The following GCN1 variants were observed in gnomAD, a reference collection of about 807,000 sequenced individuals.
The protein encoded by GCN1 is GCN1 activator of EIF2AK4.
Under a neutral mutation model 288.4 loss-of-function variants are expected in GCN1, and 90 were observed. That is an observed-to-expected ratio of 0.31 (90% confidence interval 0.26 to 0.37). The LOEUF is 0.37. GCN1 is among the 10% of genes least tolerant of loss of function. The pLI, the probability that GCN1 is intolerant of heterozygous loss-of-function variation, is 1.00. For missense variants in GCN1, 2,586 were observed against 3,419.9 expected (o/e 0.76, Z 6.08); for synonymous variants, 1,386 against 1,420.2 (o/e 0.98, Z 0.54).
At chr12:120,128,844 T>G (rs1352309122) in intron 57 of GCN1, among the ~76,000 whole-genome samples, 1 of 144,156 alleles carries the variant, frequency 6.9e-6, no homozygotes, top group Non-Finnish European at 1.5e-5. Flanking sequence ...AATCTTTTTT[T>G]TTTTTTTTTT....
intron 47 of GCN1, 131 bp downstream of exon 47, chr12:120,138,192 G>A (rs1398722827): frequency 1.1e-6 from 1 of 937,176 alleles, no homozygotes; most frequent in Non-Finnish European, 1.7e-6. Context: ...ACAGGGGAAG[G>A]ATGTAATGCT....
In GCN1 at chr12:120,131,227, A is replaced by C. The variant is rs560002292; in HGVS notation, c.7521T>G (p.Ser2507Arg). The change falls in exon 55 of 58, where the codon AGT (serine) becomes AGG (arginine). Residue 2507 changes from serine (S) to arginine (R), a missense_variant. Physicochemically the swap from Ser to Arg is moderately radical, Grantham distance 110 (BLOSUM62 -1). Transcript: ENST00000300648. ...PGRLCAGRYS[S>R]DVQEMILSSA... ...TGCTCAGGATCATTTCCTGAACATC[A>C]CTGCTATATCTGCCGGCACAAAGTC... 12 of 1,614,048 alleles carry C rather than the reference A, an allele frequency of 7.4e-6. No homozygotes were observed. In the Admixed American group the frequency reaches 1.5e-4, roughly 20 times the overall value.
Position 120,175,299 on chromosome 12 carries a change from G to C in GCN1, c.1043-87C>G, listed in dbSNP as rs1210706776. 2.5e-6 allele frequency: 3 copies of C among 1,202,186 alleles called. No homozygotes were observed. The African/African-American group carries it at 4.5e-5, about 18-fold the overall frequency. The allele number at this position is 1,202,186 out of a possible 1,614,324, so 74.5% of individuals were successfully genotyped here. Reference sequence around the variant, plus strand: ...AATGCAGTCACGTGTGTGATGCCACGATACGGTTTCTGATTCCAGAAGTAG... The same window carrying C: ...AATGCAGTCACGTGTGTGATGCCACCATACGGTTTCTGATTCCAGAAGTAG... On this transcript the variant is annotated intron_variant, in intron 11 of 57. Coordinates refer to ENST00000300648, the MANE Select transcript of GCN1 (RefSeq NM_006836.2).
Position 120,153,866 on chromosome 12 carries a change from C to T in GCN1, c.3745G>A (p.Asp1249Asn), listed in dbSNP as rs375241554. 3.5e-5 allele frequency: 56 copies of T among 1,614,118 alleles called. No homozygotes were observed. The African/African-American group carries it at 6.8e-4, about 20-fold the overall frequency. The part of the protein sequence containing the change: ...LALNKLSQYL[D>N]SSQVKPLFQF... ...AAGAGTGGCTTCACCTGAGAGCTGT[C>T]CAAATACTGGGAGAGCTTGTTGAGG... is the stretch of plus-strand genomic sequence containing the variant. The change falls in exon 32 of 58, where the codon GAC becomes AAC. Residue 1249 changes from aspartate to asparagine, a missense_variant. Asp to Asn is a conservative substitution (Grantham distance 23). This residue lies in a region of GCN1 where 332 missense variants were observed against 403.0 expected (regional missense o/e 0.82). Coordinates refer to ENST00000300648, the MANE Select transcript of GCN1 (RefSeq NM_006836.2). The surrounding 1 kb of genome is among the most constrained non-coding windows in gnomAD (Gnocchi z 4.4).
Position 120,134,808 on chromosome 12 carries a change from C to G in GCN1, c.7009-82G>C. On this transcript the variant is annotated intron_variant, in intron 51 of 57. Transcript: ENST00000300648. The surrounding 1 kb of genome is among the most constrained non-coding windows in gnomAD (Gnocchi z 5.0). ...GTACCACAGGCATGAGAACAAATGA[C>G]AATCCCAAACCACCACAGCGAGTCC... The G allele has an allele frequency of 8.4e-7, 1 of 1,190,110 alleles. No individual in the cohort carries two copies. Among genetic ancestry groups the G allele is most frequent in the Non-Finnish European group, 1.2e-6 (1 of 808,790 alleles). 73.7% of individuals were successfully genotyped at this position (1,190,110 alleles called of 1,614,324 possible).
chr12:120,130,902 C>T (rs1050544953), intron 55 of GCN1, 149 bp from the exon 56 acceptor site: 4 of 618,534 alleles, frequency 6.5e-6, no homozygotes, highest in African/African-American at 3.7e-5. Context: ...CAGGCTGCCC[C>T]GGCTGAGGCA....
rs138749041 is a variant in GCN1, at chr12:120,144,098, T to G, written c.5495+208A>C. 2.5e-3 allele frequency among the ~76,000 whole-genome samples: 384 copies of G among 152,272 alleles called. 1 individual carries two copies. The highest frequency in any genetic ancestry group is 3.8e-3 in the Non-Finnish European group (259 of 68,014). ...CTCAAGTGATCCTTCCGCCTCAGCC[T>G]CCTGTGTAGCTGGGATTACAGGTGT... On this transcript the variant is annotated intron_variant, in intron 42 of 57. Transcript: ENST00000300648. This position sits in a 1 kb window ranked among gnomAD's most constrained non-coding sequence, Gnocchi z 4.7.
chr12:120,141,675 T>C (rs1289989225), intron 44 of GCN1, among the ~76,000 whole-genome samples: 1 of 152,212 alleles, frequency 6.6e-6, no homozygotes, highest in Non-Finnish European at 1.5e-5. Flanking sequence ...GACCTCTGCA[T>C]ATCCTGTCTT....
chr12:120,140,046 C>T (rs994904583), intron 45 of GCN1, among the ~76,000 whole-genome samples: 3 of 152,236 alleles, frequency 2.0e-5, no homozygotes, highest in African/African-American at 7.2e-5. Flanking sequence ...CAATGAATCA[C>T]AACTCTTTCT....
rs750111164 is a variant in GCN1, at chr12:120,137,835, G to C, written c.6394-21C>G. 20 of 1,612,984 alleles carry C rather than the reference G, an allele frequency of 1.2e-5. No individual in the cohort carries two copies. In the South Asian group the frequency reaches 2.2e-4, roughly 18 times the overall value. On this transcript the variant is annotated intron_variant, in intron 48 of 57. Transcript: ENST00000300648. This position sits in a 1 kb window ranked among gnomAD's most constrained non-coding sequence, Gnocchi z 5.2. ...ATCTCCTGCAAACCACAAGGGACAT[G>C]TGTGCTGAGCAGGGATCCTCCGGGC...
intron 10 of GCN1, 73 bp from the exon 11 acceptor site, chr12:120,175,947 T>C: frequency 1.3e-6 from 2 of 1,530,050 alleles, no homozygotes; most frequent in Non-Finnish European, 1.8e-6. Flanking sequence ...GTCTTTTCCA[T>C]GCCCCCATCT....
chr12:120,139,001 C>T (rs1877102969), intron 45 of GCN1, 145 bp from the exon 46 acceptor site: 5 of 652,270 alleles, frequency 7.7e-6, no homozygotes, highest in South Asian at 2.1e-5. Context: ...TAACTCTTTA[C>T]TGTGAAATAA....
chr12:120,160,319 G>A (rs550482834), intron 22 of GCN1, 64 bp from the exon 23 acceptor site: 20 of 1,158,608 alleles, frequency 1.7e-5, no homozygotes, highest in Non-Finnish European at 2.3e-5. Context: ...CCCCAACAGA[G>A]GAAGGTGAGC....
At chr12:120,138,578 A>C in intron 46 of GCN1, 117 bp downstream of exon 46, 1 of 1,119,628 alleles carries the variant, frequency 8.9e-7, no homozygotes, top group East Asian at 2.4e-5. Context: ...TGCTATACCC[A>C]CTCCCTCTGG....
chr12:120,164,761 G>C (rs774452293), intron 16 of GCN1, 40 bp from the exon 17 acceptor site: 1 of 1,378,752 alleles, frequency 7.3e-7, no homozygotes. Flanking sequence ...TTTTAAAATA[G>C]TTAAGTGTAC....
chr12:120,130,931 T>C (rs934954039), intron 55 of GCN1, among the ~76,000 whole-genome samples, 178 bp from the exon 56 acceptor site: 1 of 152,152 alleles, frequency 6.6e-6, no homozygotes, highest in Non-Finnish European at 1.5e-5. Context: ...CAGTCACTGG[T>C]TCCCAGGAAC....
chr12:120,176,088 G>T, intron 10 of GCN1, 55 bp downstream of exon 10: 1 of 1,403,820 alleles, frequency 7.1e-7, no homozygotes, highest in Non-Finnish European at 1.0e-6. Flanking sequence ...ATTAGGACAA[G>T]TACAACCAAA....
In GCN1 at chr12:120,175,784, A is replaced by G. The variant is rs1361446308; in HGVS notation, c.1004T>C (p.Met335Thr). ...AAATAGGTGCTTGGTCAGGGATTCC[A>G]TGGCCGAAGAGTCACTGCACTGGCG... ...LARQCSDSSA[M>T]ESLTKHLFAI... The change falls in exon 11 of 58, where the codon ATG becomes ACG. Residue 335 changes from methionine to threonine, a missense_variant. Around this residue, in one of 8 missense-constraint regions of GCN1, gnomAD observed 913 missense variants for 1,107.0 expected, o/e 0.82. Coordinates refer to ENST00000300648, the MANE Select transcript of GCN1 (RefSeq NM_006836.2). The G allele has an allele frequency of 2.5e-6, 4 of 1,613,122 alleles. No individual in the cohort carries two copies. The highest frequency in any genetic ancestry group is 3.4e-6 in the Non-Finnish European group (4 of 1,179,676).
At chr12:120,170,479 A>T (rs1878281210) in intron 14 of GCN1, among the ~76,000 whole-genome samples, 158 bp from the exon 15 acceptor site, 1 of 152,176 alleles carries the variant, frequency 6.6e-6, no homozygotes, top group African/African-American at 2.4e-5. Flanking sequence ...TCAAAACTTA[A>T]ATCAAACTCT....
Sources: allele counts gnomAD v4.1 joint callset (sites outside exome capture counted in the v4.1 genomes callset), GRCh38; gene constraint gnomAD v4.1.1; regional missense constraint gnomAD v4.1.1; non-coding constraint Gnocchi (gnomAD v3.1); transcripts MANE v1.5; gene names NCBI Gene and HGNC (gene_info 2026-07-23, HGNC 2026-07-21).